The following PHRF1 variants were observed in gnomAD, a reference collection of about 807,000 sequenced individuals.
PHRF1 encodes the protein PHD and ring finger domains 1.
A neutral mutation model predicts 128.9 loss-of-function variants in PHRF1; 53 were observed. The observed-to-expected ratio is 0.41, with a 90% CI of 0.33 to 0.52. PHRF1 has a LOEUF of 0.52. Among genes scored for constraint, PHRF1 ranks in the 20% least tolerant of loss-of-function variants. The pLI is 0.21. For missense variants in PHRF1, 2,503 were observed against 2,284.5 expected, an observed-to-expected ratio of 1.10 and a Z score of -1.95; for synonymous variants, 1,178 against 980.6, an observed-to-expected ratio of 1.20 and a Z score of -3.76.
chr11:592,715 G>T, intron 6 of PHRF1, 41 bp downstream of exon 6: 1 of 1,597,992 alleles, frequency 6.3e-7, no homozygotes, highest in Non-Finnish European at 8.6e-7. Flanking sequence ...CCTGCTGCGT[G>T]CAAGGCGGGC....
chr11:596,613 A>G (rs1855291492), intron 6 of PHRF1, among the ~76,000 whole-genome samples: 1 of 152,254 alleles, frequency 6.6e-6, no homozygotes, highest in African/African-American at 2.4e-5. Flanking sequence ...CATCTGAGAT[A>G]CCAGCAGGCC....
chr11:601,472 C>A, intron 9 of PHRF1, 102 bp from the exon 10 acceptor site: 1 of 1,518,820 alleles, frequency 6.6e-7, no homozygotes, highest in Non-Finnish European at 8.9e-7. Context: ...TGTGGTCCCG[C>A]TGTACCGGCT....
chr11:590,120 C>T lies in PHRF1; in HGVS notation c.421-1264C>T, dbSNP rs374183235. Among the ~76,000 whole-genome samples the T allele has an allele frequency of 8.9e-4, 136 of 152,316 alleles. 1 individual carries two copies. Among genetic ancestry groups the T allele is most frequent in the African/African-American group, 3.2e-3 (131 of 41,578 alleles). On this transcript the variant is annotated intron_variant, in intron 4 of 17. Transcript: ENST00000264555. ...AGAATGTGTGCAAACGGGCACGGAG[C>T]GTGCAGGGTTCAGCAGCAGGGCTCC... is the stretch of plus-strand genomic sequence containing the variant.
intron 3 of PHRF1, among the ~76,000 whole-genome samples, chr11:586,646 T>C (rs1854585032): frequency 6.6e-6 from 1 of 152,142 alleles, no homozygotes; most frequent in South Asian, 2.1e-4. Context: ...CTCTGCCGTG[T>C]TGAACTCGGA....
intron 4 of PHRF1, 62 bp downstream of exon 4, chr11:587,526 C>G: frequency 1.3e-6 from 2 of 1,537,406 alleles, no homozygotes; most frequent in African/African-American, 1.4e-5. Context: ...TTATAGGTGA[C>G]CCAGCCTGTG....
chr11:576,975 C>T (rs1348366770), intron 1 of PHRF1, among the ~76,000 whole-genome samples: 1 of 152,082 alleles, frequency 6.6e-6, no homozygotes, highest in Admixed American at 6.5e-5. Flanking sequence ...CGGCGAGAGC[C>T]CACTCGCCTC....
In PHRF1 at chr11:609,464, C is replaced by G; in HGVS notation, c.4008C>G (p.Pro1336=). The G allele has an allele frequency of 1.2e-6, 2 of 1,605,644 alleles. No individual in the cohort carries two copies. Among genetic ancestry groups the G allele is most frequent in the East Asian group, 2.2e-5 (1 of 44,852 alleles). ...MHDEDPSQPP[P]LPEGTQEPHL... ...ATGAAGACCCTTCGCAGCCCCCACC[C>G]CTGCCAGAGGGCACCCAGGAGCCAC... The change falls in exon 14 of 18, where the codon CCC becomes CCG. Residue 1336 remains proline, a synonymous_variant. Coordinates refer to ENST00000264555, the MANE Select transcript of PHRF1 (RefSeq NM_001286581.2).
At chr11:601,723 C>A in intron 10 of PHRF1, 22 bp downstream of exon 10, 1 of 1,613,106 alleles carries the variant, frequency 6.2e-7, no homozygotes, top group South Asian at 1.1e-5. Context: ...GTGGCAGGGC[C>A]TGAGTCTCCT....
Position 608,024 on chromosome 11 carries a change from C to T in PHRF1, c.2568C>T (p.Pro856=), listed in dbSNP as rs368751287. 1.3e-5 allele frequency: 21 copies of T among 1,611,098 alleles called. No homozygotes were observed. The highest frequency in any genetic ancestry group is 6.7e-5 in the African/African-American group (5 of 74,932). The change falls in exon 14 of 18, where the codon CCC becomes CCT. Residue 856 remains proline, a synonymous_variant. Transcript: ENST00000264555. ...SPERSGPGLL[P]SEITRTISIN... is the part of the protein sequence containing the mutation. ...AGAGGTCTGGCCCCGGCCTCCTGCC[C>T]TCTGAGATCACACGAACCATCTCCA...
At chr11:605,445 G>T in intron 11 of PHRF1, 145 bp downstream of exon 11, 1 of 1,471,304 alleles carries the variant, frequency 6.8e-7, no homozygotes, top group South Asian at 1.3e-5. Flanking sequence ...ATACGGTGCA[G>T]GTGGGTGGCG....
At chr11:576,694 A>AGGCCTGCGCCGCGC (rs1193655713) in intron 1 of PHRF1, 102 bp downstream of exon 1, 25 of 141,318 alleles carry the variant, frequency 1.8e-4, no homozygotes, top group African/African-American at 6.2e-4. Context: ...CCGCGGGGCG[A>AGGCCTGCGCCGCGC]GGCCTGCGCC....
At chr11:588,333 TGTG>T (rs1231597056) in intron 4 of PHRF1, among the ~76,000 whole-genome samples, 1 of 152,202 alleles carries the variant, frequency 6.6e-6, no homozygotes, top group African/African-American at 2.4e-5. Flanking sequence ...CCTGTTCTGT[TGTG>T]GTGGGTCCAC....
rs551815094 is a variant in PHRF1, at chr11:602,208, A to G, written c.1152+507A>G. ...GCGTTTGTTGTCCTAGGCCCTTTCC[A>G]TCCAAAATCATGGACCAGACATTTA... On this transcript the variant is annotated intron_variant, in intron 10 of 17. Coordinates refer to ENST00000264555, the MANE Select transcript of PHRF1 (RefSeq NM_001286581.2). 3.9e-5 allele frequency among the ~76,000 whole-genome samples: 6 copies of G among 152,262 alleles called. No individual in the cohort carries two copies. In the South Asian group the frequency reaches 6.2e-4, roughly 16 times the overall value.
intron 13 of PHRF1, 147 bp downstream of exon 13, chr11:606,743 CT>C: frequency 1.6e-6 from 2 of 1,224,714 alleles, no homozygotes; most frequent in Non-Finnish European, 2.2e-6. Context: ...ATTGATTTCC[CT>C]TCTTGAGCAG....
At chr11:581,408 C>T (rs1854193390) in intron 1 of PHRF1, 84 bp from the exon 2 acceptor site, 3 of 1,131,548 alleles carry the variant, frequency 2.7e-6, no homozygotes, top group Non-Finnish European at 3.8e-6. Flanking sequence ...GGGGATGTGG[C>T]CTGTGGGGAG....
Position 610,485 on chromosome 11 carries a change from G to A in PHRF1, c.4417-16G>A. On this transcript the variant is annotated splice_polypyrimidine_tract_variant and intron_variant, in intron 15 of 17. Coordinates refer to ENST00000264555, the MANE Select transcript of PHRF1 (RefSeq NM_001286581.2). Reference sequence around the variant, plus strand: ...TAGCTGTAGGGCCCAGTGCTCAGCAGGGGTGTCCCTCCCAGGTTTACAGCC... The same window carrying A: ...TAGCTGTAGGGCCCAGTGCTCAGCAAGGGTGTCCCTCCCAGGTTTACAGCC... 6.3e-7 allele frequency: 1 copy of A among 1,599,126 alleles called. No homozygotes were observed. Among genetic ancestry groups the A allele is most frequent in the Non-Finnish European group, 8.5e-7 (1 of 1,174,876 alleles).
At chr11:602,911 T>C (rs1855724248) in intron 10 of PHRF1, among the ~76,000 whole-genome samples, 1 of 151,774 alleles carries the variant, frequency 6.6e-6, no homozygotes, top group Non-Finnish European at 1.5e-5. Flanking sequence ...TATAGGCGTG[T>C]GCCACCACGC....
chr11:596,944 C>T lies in PHRF1; in HGVS notation c.642C>T (p.Asp214=), dbSNP rs746224048. 6.2e-6 allele frequency: 10 copies of T among 1,613,786 alleles called. No homozygotes were observed. Among genetic ancestry groups the T allele is most frequent in the Middle Eastern group, 1.6e-4 (1 of 6,062 alleles). The change falls in exon 7 of 18, where the codon GAC becomes GAT. Residue 214 remains aspartate, a synonymous_variant. Transcript: ENST00000264555. ...CDAGYHMECL[D]PPLQEVPVDE... Reference sequence around the variant, plus strand: ...GTAGGTACCACATGGAATGCTTGGACCCCCCTCTCCAGGAGGTGCCGGTGG... The same window carrying T: ...GTAGGTACCACATGGAATGCTTGGATCCCCCTCTCCAGGAGGTGCCGGTGG...
intron 3 of PHRF1, among the ~76,000 whole-genome samples, chr11:582,469 A>G (rs1160327834): frequency 1.3e-5 from 2 of 151,708 alleles, no homozygotes; most frequent in African/African-American, 2.4e-5. Context: ...GGGTTTCACC[A>G]TCTGGTCTGG....
Sources: gnomAD v4.1 joint callset for allele counts (sites outside exome capture counted in the v4.1 genomes callset) on GRCh38, gnomAD v4.1.1 for gene constraint, MANE v1.5 for transcripts, NCBI Gene and HGNC (gene_info 2026-07-23, HGNC 2026-07-21) for gene names.